Variants in APBA1 observed in about 807,000 individuals in gnomAD.
The protein encoded by APBA1 is amyloid-beta A4 precursor protein-binding family A member 1.
Under a neutral mutation model 86.6 loss-of-function variants are expected in APBA1, and 55 were observed. The observed-to-expected ratio is 0.64, with a 90% confidence interval of 0.51 to 0.80. The LOEUF (loss-of-function observed/expected upper bound fraction) is 0.80. Among genes scored for constraint, APBA1 ranks in the 30% least tolerant of loss-of-function variants. The pLI is 0.00. For synonymous variants in APBA1, 511 were observed against 493.9 expected (o/e 1.03, Z -0.46); for missense variants, 1,090 against 1,183.0 (o/e 0.92, Z 1.15).
At chr9:69,579,142 A>G (rs955054888) in intron 1 of APBA1, among the ~76,000 whole-genome samples, 6 of 152,096 alleles carry the variant, frequency 3.9e-5, no homozygotes, top group Admixed American at 3.3e-4. Context: ...ATGTGACTCA[A>G]TATGAAGGGT....
At chr9:69,520,818 C>T (rs764228532) in intron 1 of APBA1, among the ~76,000 whole-genome samples, 5 of 152,174 alleles carry the variant, frequency 3.3e-5, no homozygotes, top group Non-Finnish European at 5.9e-5. Context: ...ACTCTTGGAT[C>T]AGTCTTGCTG....
Position 69,562,355 on chromosome 9 carries a change from T to A in APBA1, c.-69-45076A>T, listed in dbSNP as rs147756254. 3.9e-3 allele frequency among the ~76,000 whole-genome samples: 589 copies of A among 151,724 alleles called. 5 individuals are homozygous for A. Among genetic ancestry groups the A allele is most frequent in the African/African-American group, 0.014 (567 of 41,368 alleles). On this transcript the variant is annotated intron_variant, in intron 1 of 12. Transcript: ENST00000265381. ...TAAATATTACTAGTACCTTCATATA[T>A]CCTAGATTTTCTTTCTTTTCTTTTC...
chr9:69,640,681 CAT>C (rs889587671), intron 1 of APBA1, among the ~76,000 whole-genome samples: 1 of 151,972 alleles, frequency 6.6e-6, no homozygotes, highest in African/African-American at 2.4e-5. Context: ...TAAAAATAAA[CAT>C]ATACACTCAC....
chr9:69,455,054 C>T (rs1835072741), intron 8 of APBA1, among the ~76,000 whole-genome samples: 2 of 152,118 alleles, frequency 1.3e-5, no homozygotes, highest in South Asian at 2.1e-4. Context: ...CCCACAGCCA[C>T]GACAGCTCTG....
intron 1 of APBA1, among the ~76,000 whole-genome samples, chr9:69,556,004 A>G (rs1007800282): frequency 6.6e-6 from 1 of 152,134 alleles, no homozygotes; most frequent in African/African-American, 2.4e-5. Flanking sequence ...GAAGCAGTTA[A>G]GTGGCAACAA....
rs1464179023 is a variant in APBA1, at chr9:69,516,510, C to T, written c.701G>A (p.Arg234Gln). The T allele has an allele frequency of 1.3e-6, 2 of 1,596,078 alleles. No individual in the cohort carries two copies. The highest frequency in any genetic ancestry group is 1.7e-6 in the Non-Finnish European group (2 of 1,176,770). ...GGAGCGCTCGTCGTAATGGTGCAGC[C>T]GCGCGCCCAGGGCCTCCTGGCGGTA... ...AAYRQEALGARLHHYDERSDG... is the reference protein window; with the variant it reads ...AAYRQEALGAQLHHYDERSDG... The change falls in exon 2 of 13, where the codon CGG becomes CAG. Residue 234 changes from arginine to glutamine, a missense_variant. Transcript: ENST00000265381. The surrounding 1 kb of genome is among the most constrained non-coding windows in gnomAD (Gnocchi z 7.3).
chr9:69,460,741 T>A (rs1255657113), intron 5 of APBA1: 1 of 152,084 alleles, frequency 6.6e-6, no homozygotes, highest in Non-Finnish European at 1.5e-5. Context: ...TGAAACTTTT[T>A]TTTTTTGAGA....
chr9:69,515,931 C>T, intron 2 of APBA1, 80 bp downstream of exon 2: 5 of 1,426,286 alleles, frequency 3.5e-6, no homozygotes, highest in Non-Finnish European at 4.7e-6. Flanking sequence ...AGTCACTACC[C>T]AAGGGCACAC....
chr9:69,658,349 T>TCTTTCTTTC (rs1823681256), intron 1 of APBA1, among the ~76,000 whole-genome samples: 2 of 145,954 alleles, frequency 1.4e-5, no homozygotes, highest in Non-Finnish European at 3.0e-5. Flanking sequence ...TTTCTTTCTT[T>TCTTTCTTTC]CTTTCTTTCT....
At chr9:69,590,061 C>T (rs1822100073) in intron 1 of APBA1, among the ~76,000 whole-genome samples, 1 of 152,164 alleles carries the variant, frequency 6.6e-6, no homozygotes, top group Non-Finnish European at 1.5e-5. Flanking sequence ...AGCCTCAGCT[C>T]CAATGACACC....
At chr9:69,621,973 T>TC (rs894583192) in intron 1 of APBA1, among the ~76,000 whole-genome samples, 1 of 152,152 alleles carries the variant, frequency 6.6e-6, no homozygotes, top group African/African-American at 2.4e-5. Context: ...AGATGTTGCC[T>TC]CCCAGTCCAT....
intron 1 of APBA1, among the ~76,000 whole-genome samples, chr9:69,590,268 C>A (rs1822104714): frequency 6.6e-6 from 1 of 152,252 alleles, no homozygotes; most frequent in Non-Finnish European, 1.5e-5. Context: ...CAGTTCCTGG[C>A]AGATCCAGCG....
chr9:69,431,419 T>G, intron 12 of APBA1, 21 bp from the exon 13 acceptor site: 1 of 1,609,000 alleles, frequency 6.2e-7, no homozygotes, highest in Non-Finnish European at 8.5e-7. Context: ...AGAACACACT[T>G]TAGTGGGGGG....
intron 1 of APBA1, among the ~76,000 whole-genome samples, chr9:69,622,324 T>C (rs992842268): frequency 6.6e-6 from 1 of 152,176 alleles, no homozygotes; most frequent in African/African-American, 2.4e-5. Flanking sequence ...AACAAAGAAA[T>C]GAATCCTACA....
intron 1 of APBA1, among the ~76,000 whole-genome samples, chr9:69,626,306 C>T (rs988117677): frequency 2.8e-5 from 4 of 142,590 alleles, no homozygotes; most frequent in Non-Finnish European, 4.6e-5. Context: ...AATAAACTGT[C>T]TTGTTGTTGT....
chr9:69,530,461 A>G (rs1836413714), intron 1 of APBA1, among the ~76,000 whole-genome samples: 1 of 152,102 alleles, frequency 6.6e-6, no homozygotes, highest in African/African-American at 2.4e-5. Flanking sequence ...GAACTAACTC[A>G]GAAACAGAAA....
chr9:69,563,171 A>G (rs762808860), intron 1 of APBA1, among the ~76,000 whole-genome samples: 2 of 152,238 alleles, frequency 1.3e-5, no homozygotes, highest in Non-Finnish European at 2.9e-5. Flanking sequence ...AATTTGGCAA[A>G]GTACTTAAAA....
At chr9:69,621,793 G>A (rs1201885740) in intron 1 of APBA1, among the ~76,000 whole-genome samples, 1 of 152,194 alleles carries the variant, frequency 6.6e-6, no homozygotes, top group Non-Finnish European at 1.5e-5. Flanking sequence ...AAGCGAGTCA[G>A]GCTCAGAAGC....
intron 1 of APBA1, among the ~76,000 whole-genome samples, chr9:69,588,983 C>G (rs964102100): frequency 2.0e-5 from 3 of 152,162 alleles, no homozygotes; most frequent in Non-Finnish European, 4.4e-5. Flanking sequence ...GAGACAGGGT[C>G]TGGCTCTGTT....
Sources: allele counts gnomAD v4.1 joint callset (sites outside exome capture counted in the v4.1 genomes callset), GRCh38; gene constraint gnomAD v4.1.1; non-coding constraint Gnocchi (gnomAD v3.1); transcripts MANE v1.5; gene names NCBI Gene and HGNC (gene_info 2026-07-23, HGNC 2026-07-21).